SLC26A2: variants seen among roughly 807,000 people sequenced by gnomAD.
The protein encoded by SLC26A2 is sulfate transporter.
SLC26A2 carries 36 observed loss-of-function variants against 41.1 expected under a neutral mutation model. The observed-to-expected ratio is 0.88, with a 90% CI of 0.67 to 1.16. The LOEUF (loss-of-function observed/expected upper bound fraction) is 1.16. SLC26A2 is among the 50% of genes most tolerant of loss of function. SLC26A2 has a pLI of 0.00. For synonymous variants in SLC26A2, 291 were observed against 311.6 expected, an observed-to-expected ratio of 0.93 and a Z score of 0.70; for missense variants, 796 against 869.6, an observed-to-expected ratio of 0.92 and a Z score of 1.07.
intron 1 of SLC26A2, among the ~76,000 whole-genome samples, chr5:149,968,039 C>T (rs1379824985): frequency 7.0e-6 from 1 of 143,248 alleles, no homozygotes; most frequent in Non-Finnish European, 1.5e-5. Context: ...TCGTGTCTGT[C>T]TTTTGCTTAA....
chr5:149,970,381 T>C (rs554294699), intron 1 of SLC26A2, among the ~76,000 whole-genome samples: 80 of 152,218 alleles, frequency 5.3e-4, no homozygotes, highest in African/African-American at 1.9e-3. Context: ...TATCGTGGTG[T>C]GTACCTGTAG....
At position 149,981,893 on chromosome 5, in the gene SLC26A2, A is replaced by G; in HGVS notation, c.*80A>G. On this transcript the variant is annotated 3_prime_UTR_variant, in exon 3 of 3. Transcript: ENST00000286298. ...AACATTTCCCAGTTCCACAGTGGGA[A>G]ATTTTGCACACTTGAAATTTTAACC... The G allele has an allele frequency of 9.0e-7, 1 of 1,109,434 alleles. No individual in the cohort carries two copies. The highest frequency in any genetic ancestry group is 1.3e-6 in the Non-Finnish European group (1 of 755,452). 68.7% of individuals were successfully genotyped at this position (1,109,434 alleles called of 1,614,324 possible).
intron 1 of SLC26A2, among the ~76,000 whole-genome samples, chr5:149,961,350 C>G (rs1175944672): frequency 2.0e-5 from 3 of 152,200 alleles, no homozygotes; most frequent in African/African-American, 4.8e-5. Context: ...ACCACCACCT[C>G]GGACAGATGG....
At chr5:149,964,900 A>AT (rs370762894) in intron 1 of SLC26A2, among the ~76,000 whole-genome samples, 1 of 152,162 alleles carries the variant, frequency 6.6e-6, no homozygotes, top group African/African-American at 2.4e-5. Context: ...CAAAATAAAA[A>AT]TTTTTTTTAA....
intron 1 of SLC26A2, among the ~76,000 whole-genome samples, chr5:149,967,919 T>G (rs1644548205): frequency 6.6e-6 from 1 of 151,954 alleles, no homozygotes; most frequent in Non-Finnish European, 1.5e-5. Context: ...CTGGCCCATT[T>G]TGCCTTTTCT....
At chr5:149,963,779 GC>G (rs1248562849) in intron 1 of SLC26A2, among the ~76,000 whole-genome samples, 10 of 87,618 alleles carry the variant, frequency 1.1e-4, no homozygotes, top group Non-Finnish European at 2.0e-4. Context: ...ACAAGATCTT[GC>G]TATGTTACCC....
intron 1 of SLC26A2, among the ~76,000 whole-genome samples, chr5:149,969,640 T>G (rs1243478268): frequency 6.6e-6 from 1 of 152,212 alleles, no homozygotes; most frequent in Non-Finnish European, 1.5e-5. Flanking sequence ...CTTTCCTGCC[T>G]TGGAAGTTAG....
intron 1 of SLC26A2, among the ~76,000 whole-genome samples, chr5:149,964,579 C>G (rs1346320114): frequency 3.3e-5 from 5 of 152,118 alleles, no homozygotes; most frequent in Non-Finnish European, 7.4e-5. Context: ...AGCTCGAGAC[C>G]ATCCTGGCTA....
At position 149,980,831 on chromosome 5, in the gene SLC26A2, A is replaced by G. The variant is rs1486535887; in HGVS notation, c.1238A>G (p.Lys413Arg). ...MFAKKHGYTV[K>R]ANQEMYAIGF... The stretch of plus-strand genomic sequence containing the variant: ...GCCAAGAAACATGGTTACACAGTCA[A>G]AGCAAACCAGGAAATGTATGCCATT... The change falls in exon 3 of 3, where the codon AAA becomes AGA. Residue 413 changes from lysine (K) to arginine (R), a missense_variant. By Grantham distance (26) the Lys-to-Arg change is conservative (BLOSUM62 2). Transcript: ENST00000286298. 6.2e-7 allele frequency: 1 copy of G among 1,614,006 alleles called. No individual in the cohort carries two copies. The highest frequency in any genetic ancestry group is 8.5e-7 in the Non-Finnish European group (1 of 1,180,024).
In SLC26A2 at chr5:149,982,262, A is replaced by G. The variant is rs1755122258; in HGVS notation, c.*449A>G. On this transcript the variant is annotated 3_prime_UTR_variant, in exon 3 of 3. Coordinates refer to ENST00000286298, the MANE Select transcript of SLC26A2 (RefSeq NM_000112.4). ...TGCACCTGCTCTAGTACCATAGGTC[A>G]AGAGGCTTCTGGATCACAAAGTCAT... 6.4e-6 allele frequency: 1 copy of G among 156,454 alleles called. No individual in the cohort carries two copies. The highest frequency in any genetic ancestry group is 1.9e-4 in the South Asian group (1 of 5,162). 9.7% of individuals were successfully genotyped at this position (156,454 alleles called of 1,614,324 possible).
chr5:149,977,848 T>C lies in SLC26A2; in HGVS notation c.196T>C (p.Phe66Leu), dbSNP rs200981220. ...IERQEKSDTN[F>L]KEFVIKKLQK... ...GCGTCAAGAGAAATCAGATACAAAC[T>C]TCAAGGAGTTTGTTATTAAAAAGCT... Residue 66 changes from phenylalanine to leucine, a missense_variant, in exon 2 of 3, where the codon TTC becomes CTC. Physicochemically the swap from Phe to Leu is conservative, Grantham distance 22. Transcript: ENST00000286298. The C allele has an allele frequency of 5.1e-5, 83 of 1,614,044 alleles. No homozygotes were observed. The South Asian group carries it at 6.6e-4, about 13-fold the overall frequency.
intron 1 of SLC26A2, chr5:149,962,185 T>G (rs1426896498): frequency 6.6e-6 from 1 of 152,238 alleles, no homozygotes; most frequent in Non-Finnish European, 1.5e-5. Context: ...TCCTTGGATT[T>G]GCAGGGATGG....
chr5:149,981,110 G>A lies in SLC26A2; in HGVS notation c.1517G>A (p.Ser506Asn), dbSNP rs57814887. The change falls in exon 3 of 3, where the codon AGT (serine) becomes AAT (asparagine). Residue 506 changes from serine to asparagine, a missense_variant. By Grantham distance (46) the Ser-to-Asn change is conservative. Transcript: ENST00000286298. ...RKFRDLPKMW[S>N]ISRMDTVIWF... ...TTTAGGGATCTTCCCAAAATGTGGAGTATTAGTAGAATGGATACAGTTATC... is the reference window on the plus strand; with the variant it reads ...TTTAGGGATCTTCCCAAAATGTGGAATATTAGTAGAATGGATACAGTTATC... 2.5e-6 allele frequency: 4 copies of A among 1,614,158 alleles called. No homozygotes were observed. The highest frequency in any genetic ancestry group is 4.5e-5 in the East Asian group (2 of 44,884).
rs1315598449 is a variant in SLC26A2, at chr5:149,977,967, G to T, written c.315G>T (p.Lys105Asn). Reference sequence around the variant, plus strand: ...AGTGGCTCCCAAAATACGACCTAAAGAAAAACATTTTAGGGGATGTGATGT... The same window carrying T: ...AGTGGCTCCCAAAATACGACCTAAATAAAAACATTTTAGGGGATGTGATGT... ...VLQWLPKYDL[K>N]KNILGDVMSG... Residue 105 changes from lysine (K) to asparagine (N), a missense_variant, in exon 2 of 3, where the codon AAG becomes AAT. Transcript: ENST00000286298. 6.2e-7 allele frequency: 1 copy of T among 1,614,170 alleles called. No homozygotes were observed. Among genetic ancestry groups the T allele is most frequent in the Admixed American group, 1.7e-5 (1 of 60,018 alleles).
intron 1 of SLC26A2, among the ~76,000 whole-genome samples, chr5:149,968,724 C>T (rs1247760872): frequency 7.4e-6 from 1 of 134,556 alleles, no homozygotes; most frequent in Non-Finnish European, 1.6e-5. Context: ...CCGGCCTCAA[C>T]TGTCTTTTTT....
intron 1 of SLC26A2, among the ~76,000 whole-genome samples, chr5:149,964,090 G>A (rs771236495): frequency 2.0e-5 from 3 of 152,172 alleles, no homozygotes; most frequent in African/African-American, 4.8e-5. Context: ...ACCATATTTG[G>A]TAGGAGATAG....
At chr5:149,968,613 G>T (rs1166339696) in intron 1 of SLC26A2, among the ~76,000 whole-genome samples, 1 of 150,266 alleles carries the variant, frequency 6.7e-6, no homozygotes, top group African/African-American at 2.5e-5. Context: ...GTAGAGATGG[G>T]GTTTCACCAT....
At chr5:149,963,095 T>A (rs1297878880) in intron 1 of SLC26A2, among the ~76,000 whole-genome samples, 6 of 150,522 alleles carry the variant, frequency 4.0e-5, no homozygotes, top group African/African-American at 1.2e-4. Context: ...TTTATTTATT[T>A]ATTTATTTAT....
chr5:149,972,685 G>T (rs1239389676), intron 1 of SLC26A2, among the ~76,000 whole-genome samples: 2 of 152,120 alleles, frequency 1.3e-5, no homozygotes, highest in Non-Finnish European at 2.9e-5. Flanking sequence ...TATATTTAAA[G>T]TGGGTTTCAA....
Sources: gnomAD v4.1 joint callset for allele counts (sites outside exome capture counted in the v4.1 genomes callset) on GRCh38, gnomAD v4.1.1 for gene constraint, MANE v1.5 for transcripts, NCBI Gene and HGNC (gene_info 2026-07-23, HGNC 2026-07-21) for gene names.